Variants in ETV6 observed in about 807,000 individuals in gnomAD.
ETV6 encodes ETS variant transcription factor 6.
In ETV6, 16 loss-of-function variants were observed where a neutral mutation model predicts 51.1. The ratio of observed to expected loss-of-function variants is 0.31; its 90% CI spans 0.21 to 0.48. The LOEUF is 0.48. Ranked by LOEUF, ETV6 falls within the 20% of genes least tolerant of loss-of-function variation. The pLI is 0.99. For missense variants in ETV6, 458 were observed against 594.8 expected, an observed-to-expected ratio of 0.77 and a Z score of 2.39; for synonymous variants, 240 against 224.1, an observed-to-expected ratio of 1.07 and a Z score of -0.64.
At chr12:11,784,839 A>G (rs1299843122) in intron 2 of ETV6, among the ~76,000 whole-genome samples, 3 of 148,766 alleles carry the variant, frequency 2.0e-5, no homozygotes, top group Non-Finnish European at 4.4e-5. Flanking sequence ...TGGAACTACA[A>G]GTGTGCACCC....
intron 3 of ETV6, among the ~76,000 whole-genome samples, chr12:11,843,372 G>A (rs777090452): frequency 1.4e-4 from 21 of 152,220 alleles, no homozygotes; most frequent in Non-Finnish European, 5.9e-5. Context: ...TCCTTTAGCA[G>A]TTTGGTGTAG....
At chr12:11,707,900 AAT>A (rs1376348557) in intron 1 of ETV6, among the ~76,000 whole-genome samples, 1 of 152,208 alleles carries the variant, frequency 6.6e-6, no homozygotes, top group Non-Finnish European at 1.5e-5. Context: ...TGATAATTTT[AAT>A]CTCAACTTTG....
chr12:11,752,832 A>G lies in ETV6; in HGVS notation c.163+253A>G, dbSNP rs550186931. On this transcript the variant is annotated intron_variant, in intron 2 of 7. Transcript: ENST00000396373. ...TTAAAAAAAAAAGAAACCTGGAAAC[A>G]TGCAGTATATGGCAGAGCCAACTAA... The G allele has an allele frequency of 2.7e-5, 10 of 375,454 alleles. No individual in the cohort carries two copies. The Admixed American group carries it at 4.2e-4, about 16-fold the overall frequency. 23.3% of individuals were successfully genotyped at this position (375,454 alleles called of 1,614,324 possible).
intron 4 of ETV6, among the ~76,000 whole-genome samples, chr12:11,865,804 C>G (rs969528684): frequency 1.3e-5 from 2 of 151,150 alleles, no homozygotes; most frequent in African/African-American, 2.4e-5. Context: ...TCAAGATTTT[C>G]TCTTTATTTT....
rs1044472173 is a variant in ETV6 at position 11,781,339 on chromosome 12, G to A, written c.163+28760G>A. 6.6e-5 allele frequency among the ~76,000 whole-genome samples: 10 copies of A among 152,014 alleles called. No individual in the cohort carries two copies. In the South Asian group the frequency reaches 1.2e-3, roughly 19 times the overall value. On this transcript the variant is annotated intron_variant, in intron 2 of 7. Transcript: ENST00000396373. The stretch of plus-strand genomic sequence containing the variant: ...GGAAGTACTTCCCTGCCCCCTTTTC[G>A]TCCCGTTCTTGGATGGTGCTAGATG...
chr12:11,684,370 C>G (rs1008814591), intron 1 of ETV6, among the ~76,000 whole-genome samples: 1 of 152,060 alleles, frequency 6.6e-6, no homozygotes, highest in Non-Finnish European at 1.5e-5. Flanking sequence ...TGTTTTTTTC[C>G]TTTAATATTT....
intron 1 of ETV6, among the ~76,000 whole-genome samples, chr12:11,669,585 C>T (rs1177477420): frequency 1.3e-5 from 2 of 151,990 alleles, no homozygotes; most frequent in Non-Finnish European, 2.9e-5. Context: ...CGCAGTACTT[C>T]CTTCTGCCTC....
rs6144615 is a variant in ETV6 at position 11,842,407 on chromosome 12, TACAC to T, written c.328+3133_328+3136del. The stretch of plus-strand genomic sequence containing the variant: ...CCTCTGTCATGGCCCTTGACACAGA[TACAC>T]ACACACACACACACACACACACACA... On this transcript the variant is annotated intron_variant, in intron 3 of 7. Transcript: ENST00000396373. 1.4e-3 allele frequency among the ~76,000 whole-genome samples: 212 copies of T among 147,932 alleles called. 1 individual carries two copies. Among genetic ancestry groups the T allele is most frequent in the South Asian group, 7.0e-3 (33 of 4,682 alleles).
At chr12:11,679,253 T>C (rs1385715769) in intron 1 of ETV6, among the ~76,000 whole-genome samples, 1 of 152,158 alleles carries the variant, frequency 6.6e-6, no homozygotes. Flanking sequence ...CCCACCCCTT[T>C]GACTCTCAGC....
At chr12:11,771,997 A>T (rs893302462) in intron 2 of ETV6, among the ~76,000 whole-genome samples, 4 of 152,218 alleles carry the variant, frequency 2.6e-5, no homozygotes, top group African/African-American at 7.2e-5. Context: ...ATCCAATTAT[A>T]TTGAAAGCCC....
At chr12:11,790,655 G>T in intron 2 of ETV6, among the ~76,000 whole-genome samples, 1 of 147,864 alleles carries the variant, frequency 6.8e-6, no homozygotes, top group African/African-American at 2.5e-5. Context: ...ATTCCACCTA[G>T]TCATTTTGGT....
At chr12:11,667,361 T>A (rs11054410) in intron 1 of ETV6, among the ~76,000 whole-genome samples, 4,719 of 152,154 alleles carry the variant, frequency 0.031, 252 homozygotes, top group African/African-American at 0.11. Flanking sequence ...CTACTTCCCC[T>A]CCCTTTACAG....
chr12:11,671,868 C>T (rs535699994), intron 1 of ETV6, among the ~76,000 whole-genome samples: 5 of 151,604 alleles, frequency 3.3e-5, no homozygotes, highest in South Asian at 2.1e-4. Flanking sequence ...TAATCTTATT[C>T]GTGTGAAAAA....
At chr12:11,881,025 A>G (rs756006637) in intron 5 of ETV6, among the ~76,000 whole-genome samples, 1 of 151,958 alleles carries the variant, frequency 6.6e-6, no homozygotes, top group Non-Finnish European at 1.5e-5. Flanking sequence ...GCAGCCCCAA[A>G]CCCCTGGGCT....
chr12:11,849,031 C>T (rs1946507776), intron 3 of ETV6, among the ~76,000 whole-genome samples: 1 of 152,170 alleles, frequency 6.6e-6, no homozygotes, highest in South Asian at 2.1e-4. Context: ...AGTGCTGTGG[C>T]GCATGCTCTT....
chr12:11,751,483 T>C (rs1866027564), intron 1 of ETV6: 2 of 517,320 alleles, frequency 3.9e-6, no homozygotes, highest in Admixed American at 1.9e-5. Flanking sequence ...GTCAACCTAG[T>C]TGGCATGTTG....
intron 6 of ETV6, 107 bp from the exon 7 acceptor site, chr12:11,885,819 C>A: frequency 1.3e-6 from 1 of 754,268 alleles, no homozygotes; most frequent in Non-Finnish European, 2.2e-6. Flanking sequence ...GGGCCACAGG[C>A]AGCAGCTGAA....
intron 2 of ETV6, among the ~76,000 whole-genome samples, chr12:11,789,246 C>A (rs1018289973): frequency 1.1e-4 from 17 of 152,208 alleles, no homozygotes; most frequent in African/African-American, 3.9e-4. Context: ...GTTGGCCAGG[C>A]TAGTCTCAAA....
At chr12:11,854,606 C>T (rs920629943) in intron 4 of ETV6, among the ~76,000 whole-genome samples, 1 of 152,148 alleles carries the variant, frequency 6.6e-6, no homozygotes. Flanking sequence ...TAAATAAACC[C>T]TTCTGAGCCA....
Sources: allele counts gnomAD v4.1 joint callset (sites outside exome capture counted in the v4.1 genomes callset), GRCh38; gene constraint gnomAD v4.1.1; transcripts MANE v1.5; gene names NCBI Gene and HGNC (gene_info 2026-07-23, HGNC 2026-07-21).